VILL: variants seen among roughly 807,000 people sequenced by gnomAD.
VILL encodes the protein villin-like protein.
In VILL, 102 loss-of-function variants were observed where a neutral mutation model predicts 106.3. The observed-to-expected ratio is 0.96, with a 90% CI of 0.82 to 1.13. The LOEUF is 1.13. Ranked by LOEUF, VILL falls within the 50% of genes most tolerant of loss-of-function variation. The pLI, the probability that VILL is intolerant of heterozygous loss-of-function variation, is 0.00. For synonymous variants in VILL, 431 were observed against 440.3 expected (o/e 0.98, Z 0.27); for missense variants, 1,076 against 1,116.6 (o/e 0.96, Z 0.52).
rs1699736500 is a variant in VILL, at chr3:37,997,974, C to T, written c.765-116C>T. On this transcript the variant is annotated intron_variant, in intron 7 of 19. Coordinates refer to ENST00000383759, the MANE Select transcript of VILL (RefSeq NM_015873.4). This position sits in a 1 kb window ranked among gnomAD's most constrained non-coding sequence, Gnocchi z 4.7. ...AAAAGTGAAGACTACAACTCGGGGC[C>T]CCAGCCCCCATGCCTTCTGTCTCTG... 2.6e-6 allele frequency: 3 copies of T among 1,147,734 alleles called. No individual in the cohort carries two copies. In the South Asian group the frequency reaches 4.6e-5, roughly 18 times the overall value. 71.1% of individuals were successfully genotyped at this position (1,147,734 alleles called of 1,614,324 possible). A position where few individuals can be genotyped will look rare whatever the true frequency, so the allele number is the denominator to read the frequency against.
chr3:37,994,402 C>G lies in VILL; in HGVS notation c.277C>G (p.Leu93Val), dbSNP rs200365412. 6.2e-7 allele frequency: 1 copy of G among 1,612,636 alleles called. No homozygotes were observed. Among genetic ancestry groups the G allele is most frequent in the African/African-American group, 1.3e-5 (1 of 75,040 alleles). Reference protein sequence around the residue: ...LQDELGGQTVLHREAQGHESD... With the variant: ...LQDELGGQTVVHREAQGHESD... ...GGACGAGCTGGGGGGCCAGACCGTG[C>G]TGCACCGCGAGGCGCAGGGCCACGA... The change falls in exon 4 of 20, where the codon CTG becomes GTG. Residue 93 changes from leucine to valine, a missense_variant. Physicochemically the swap from Leu to Val is conservative, Grantham distance 32. Transcript: ENST00000383759.
At chr3:38,001,304 C>G (rs1488251168) in intron 11 of VILL, 152 bp from the exon 12 acceptor site, 3 of 1,174,328 alleles carry the variant, frequency 2.6e-6, no homozygotes, top group Non-Finnish European at 3.6e-6. Context: ...CAGCACAAGG[C>G]CCAGAATGGG....
chr3:38,001,450 C>T lies in VILL; in HGVS notation c.1183-6C>T. ...CACCTGTGCCCATTGGTCCCTTATT[C>T]CCCAGGTGTGGTGCATCCAGGACTT... On this transcript the variant is annotated splice_polypyrimidine_tract_variant and splice_region_variant and intron_variant, in intron 11 of 19. Coordinates refer to ENST00000383759, the MANE Select transcript of VILL (RefSeq NM_015873.4). The T allele has an allele frequency of 6.2e-7, 1 of 1,613,674 alleles. No individual in the cohort carries two copies. The highest frequency in any genetic ancestry group is 8.5e-7 in the Non-Finnish European group (1 of 1,179,726).
chr3:38,002,329 T>C, intron 13 of VILL, 67 bp from the exon 14 acceptor site: 1 of 1,482,514 alleles, frequency 6.7e-7, no homozygotes. Context: ...AGGCAATATG[T>C]CCCACACTGG....
rs765420513 is a variant in VILL at position 37,999,024 on chromosome 3, G to A, written c.1055G>A (p.Arg352His). The change falls in exon 10 of 20, where the codon CGC becomes CAC. Residue 352 changes from arginine (R) to histidine (H), a missense_variant. Transcript: ENST00000383759. ...TTCCGGACTTGGTCTGAGAAGCGGC[G>A]CAGGAACCAGAAGCTCGGCGGGAGG... Reference protein sequence around the residue: ...QLFRTWSEKRRRNQKLGGRDK... With the variant: ...QLFRTWSEKRHRNQKLGGRDK... 4.4e-6 allele frequency: 7 copies of A among 1,588,964 alleles called. No individual in the cohort carries two copies. The East Asian group carries it at 1.2e-4, about 26-fold the overall frequency.
intron 1 of VILL, among the ~76,000 whole-genome samples, chr3:37,992,327 T>C (rs1444167441): frequency 4.6e-5 from 7 of 152,126 alleles, no homozygotes; most frequent in Non-Finnish European, 8.8e-5. Context: ...TGTCCTCACG[T>C]TTTCTGTTGC....
chr3:37,997,276 G>C lies in VILL; in HGVS notation c.561+89G>C. On this transcript the variant is annotated intron_variant, in intron 6 of 19. Coordinates refer to ENST00000383759, the MANE Select transcript of VILL (RefSeq NM_015873.4). This position sits in a 1 kb window ranked among gnomAD's most constrained non-coding sequence, Gnocchi z 4.7. ...CCATCCTCCGGCCACCCAAAGAGTT[G>C]GGCTTGGCTCTGCTACAACCCAAGA... 7.1e-7 allele frequency: 1 copy of C among 1,415,632 alleles called. No homozygotes were observed. Among genetic ancestry groups the C allele is most frequent in the South Asian group, 1.2e-5 (1 of 84,022 alleles). The allele number at this position is 1,415,632 out of a possible 1,614,324, so 87.7% of individuals were successfully genotyped here.
Position 37,995,808 on chromosome 3 carries a change from G to A in VILL, c.411G>A (p.Leu137=), listed in dbSNP as rs372898808. Residue 137 remains leucine, a synonymous_variant, in exon 5 of 20, where the codon CTG becomes CTA. Transcript: ENST00000383759. ...CCAACTTGTTCAACATCCAGCGACT[G>A]CTGCACATCAAAGGGAGGAAGCACG... The part of the protein sequence containing the change: ...VETNLFNIQR[L]LHIKGRKHVS... 29 of 1,613,818 alleles carry A rather than the reference G, an allele frequency of 1.8e-5. No individual in the cohort carries two copies. Among genetic ancestry groups the A allele is most frequent in the Non-Finnish European group, 2.4e-5 (28 of 1,179,872 alleles).
upstream of VILL, among the ~76,000 whole-genome samples, chr3:37,989,579 C>A (rs72863957): frequency 8.4e-3 from 1,272 of 152,186 alleles, 16 homozygotes; most frequent in African/African-American, 0.03. Flanking sequence ...AATTCAAGAA[C>A]AAACAGAGCG....
In VILL at chr3:37,997,080, G is replaced by A. The variant is rs1309162175; in HGVS notation, c.454G>A (p.Glu152Lys). 1 of 1,613,792 alleles carries A rather than the reference G, an allele frequency of 6.2e-7. No homozygotes were observed. Among genetic ancestry groups the A allele is most frequent in the Non-Finnish European group, 8.5e-7 (1 of 1,179,888 alleles). The change falls in exon 6 of 20, where the codon GAG becomes AAG. Residue 152 changes from glutamate to lysine, a missense_variant. Physicochemically the swap from Glu to Lys is moderately conservative, Grantham distance 56. Coordinates refer to ENST00000383759, the MANE Select transcript of VILL (RefSeq NM_015873.4). The surrounding 1 kb of genome is among the most constrained non-coding windows in gnomAD (Gnocchi z 4.7). ...GRKHVSATEV[E>K]LSWNSFNKGD... ...TCTCTCTCCCTGGCTCTGGCAGGTG[G>A]AGCTCTCCTGGAACAGCTTTAATAA...
intron 11 of VILL, among the ~76,000 whole-genome samples, chr3:38,000,388 A>G (rs185757122): frequency 2.2e-3 from 340 of 151,470 alleles, no homozygotes; most frequent in African/African-American, 8.0e-3. Flanking sequence ...ACTGGGAAGG[A>G]CAGGGGATGA....
Position 37,993,939 on chromosome 3 carries a change from C to T in VILL, c.102C>T (p.Asn34=). ...CGGTACCCGAGGGGGCTTACGGGAA[C>T]TTTTTTGAGGAACACTGCTATGTCA... ...MVPVPEGAYG[N]FFEEHCYVIL... is the part of the protein sequence containing the mutation. Residue 34 remains asparagine (N), a synonymous_variant, in exon 3 of 20, where the codon AAC becomes AAT. Transcript: ENST00000383759. 6.2e-7 allele frequency: 1 copy of T among 1,614,184 alleles called. No individual in the cohort carries two copies. Among genetic ancestry groups the T allele is most frequent in the Middle Eastern group, 1.6e-4 (1 of 6,062 alleles).
chr3:38,003,712 G>A (rs1699862522), intron 15 of VILL: 1 of 223,026 alleles, frequency 4.5e-6, no homozygotes, highest in Non-Finnish European at 9.1e-6. Flanking sequence ...TGTATTCAGG[G>A]TGTTGTGTGT....
chr3:37,994,178 C>T, intron 3 of VILL, 83 bp from the exon 4 acceptor site: 1 of 1,511,340 alleles, frequency 6.6e-7, no homozygotes, highest in Non-Finnish European at 9.0e-7. Flanking sequence ...AGCGTCTCCC[C>T]ATGGCCCTTG....
chr3:38,003,189 G>C lies in VILL; in HGVS notation c.1681G>C (p.Glu561Gln), dbSNP rs1392465124. The C allele has an allele frequency of 1.3e-5, 21 of 1,613,906 alleles. No homozygotes were observed. The highest frequency in any genetic ancestry group is 1.6e-5 in the Non-Finnish European group (19 of 1,179,976). Residue 561 changes from glutamate to glutamine, a missense_variant, in exon 15 of 20, where the codon GAG becomes CAG. By Grantham distance (29) the Glu-to-Gln change is conservative. Coordinates refer to ENST00000383759, the MANE Select transcript of VILL (RefSeq NM_015873.4). Reference protein sequence around the residue: ...FGKGCNGDQREMARVVVTVIS... With the variant: ...FGKGCNGDQRQMARVVVTVIS... ...CTAGGGCTGTAATGGTGATCAGCGT[G>C]AGATGGCACGGGTGGTGGTCACTGT...
chr3:37,994,811 C>A (rs1478328851), intron 4 of VILL, among the ~76,000 whole-genome samples: 3 of 152,266 alleles, frequency 2.0e-5, no homozygotes, highest in Non-Finnish European at 4.4e-5. Context: ...TATACATTTG[C>A]CTCTTCCGGG....
At chr3:38,005,249 C>T (rs891798514) in intron 16 of VILL, among the ~76,000 whole-genome samples, 2 of 152,130 alleles carry the variant, frequency 1.3e-5, no homozygotes, top group African/African-American at 2.4e-5. Flanking sequence ...ACCTGGCCAG[C>T]CCCAACTCTT....
chr3:37,989,731 C>G (rs1699587643), upstream of VILL, among the ~76,000 whole-genome samples: 1 of 152,146 alleles, frequency 6.6e-6, no homozygotes, highest in Non-Finnish European at 1.5e-5. Context: ...AGACAGGGTC[C>G]CTGTCCCAAG....
rs762361111 is a variant in VILL, at chr3:38,005,785, G to T, written c.1951-7G>T. On this transcript the variant is annotated splice_region_variant and splice_polypyrimidine_tract_variant and intron_variant, in intron 16 of 19. Coordinates refer to ENST00000383759, the MANE Select transcript of VILL (RefSeq NM_015873.4). ...CTGCCCAAGGCCAGGTCCCCTCTGT[G>T]GCTCAGATCTTCCTGTGGCTTGGGG... 6.2e-7 allele frequency: 1 copy of T among 1,604,916 alleles called. No individual in the cohort carries two copies.
Sources: gnomAD v4.1 joint callset for allele counts (sites outside exome capture counted in the v4.1 genomes callset) on GRCh38, gnomAD v4.1.1 for gene constraint, Gnocchi (gnomAD v3.1) non-coding constraint, MANE v1.5 for transcripts, NCBI Gene and HGNC (gene_info 2026-07-23, HGNC 2026-07-21) for gene names.